Variants in TAFA1 observed in about 807,000 individuals in gnomAD.
The protein encoded by TAFA1 is chemokine-like protein TAFA-1.
In TAFA1, 4 loss-of-function variants were observed where a neutral mutation model predicts 18.5. That is an observed-to-expected ratio of 0.22 (90% confidence interval 0.11 to 0.49). The LOEUF is 0.49. TAFA1 is among the 20% of genes least tolerant of loss of function. TAFA1 has a pLI of 0.98. For missense variants in TAFA1, 147 were observed against 169.0 expected (o/e 0.87, Z 0.72); for synonymous variants, 56 against 55.2 (o/e 1.01, Z -0.06).
intron 2 of TAFA1, among the ~76,000 whole-genome samples, chr3:68,191,929 A>T (rs889327012): frequency 6.6e-6 from 1 of 151,838 alleles, no homozygotes; most frequent in Admixed American, 6.6e-5. Context: ...TCAATGTTGA[A>T]TAAATTATTC....
intron 2 of TAFA1, among the ~76,000 whole-genome samples, chr3:68,262,501 T>G (rs1050561625): frequency 6.6e-6 from 1 of 151,742 alleles, no homozygotes; most frequent in Non-Finnish European, 1.5e-5. Context: ...TGCTCAATGT[T>G]TAGCTCCCAC....
chr3:68,426,882 A>G (rs1179087825), intron 3 of TAFA1, among the ~76,000 whole-genome samples: 1 of 151,928 alleles, frequency 6.6e-6, no homozygotes, highest in Non-Finnish European at 1.5e-5. Flanking sequence ...CATCTAAGAA[A>G]TATTTCAAGA....
chr3:68,458,165 G>T (rs1001887202), intron 3 of TAFA1, among the ~76,000 whole-genome samples: 1 of 152,004 alleles, frequency 6.6e-6, no homozygotes, highest in Admixed American at 6.6e-5. Context: ...CATGAGATCT[G>T]GTTGTTTAAA....
chr3:68,393,708 CA>C (rs1174625491), intron 2 of TAFA1, among the ~76,000 whole-genome samples: 1 of 152,142 alleles, frequency 6.6e-6, no homozygotes, highest in Non-Finnish European at 1.5e-5. Flanking sequence ...GCTGATTCAA[CA>C]TATGCAAATC....
intron 2 of TAFA1, among the ~76,000 whole-genome samples, chr3:68,102,857 G>A (rs2065163910): frequency 6.6e-6 from 1 of 152,194 alleles, no homozygotes; most frequent in Non-Finnish European, 1.5e-5. Context: ...TTATGGTTGT[G>A]CTCCTATGAA....
chr3:68,520,484 C>T (rs1170960724), intron 3 of TAFA1, among the ~76,000 whole-genome samples: 2 of 152,334 alleles, frequency 1.3e-5, no homozygotes, highest in East Asian at 1.9e-4. Flanking sequence ...ATGCTCTCGT[C>T]TTCTTGCAGA....
chr3:68,233,951 A>T (rs746765130), intron 2 of TAFA1, among the ~76,000 whole-genome samples: 2 of 152,202 alleles, frequency 1.3e-5, no homozygotes, highest in Non-Finnish European at 2.9e-5. Flanking sequence ...AATATGAGGA[A>T]GAAGAAAAGA....
intron 2 of TAFA1, among the ~76,000 whole-genome samples, chr3:68,320,477 G>A (rs2106704283): frequency 6.6e-6 from 1 of 152,266 alleles, no homozygotes; most frequent in East Asian, 1.9e-4. Context: ...AGACTCAGGG[G>A]TGTTTTTCCC....
At chr3:68,043,082 A>G (rs574798593) in intron 2 of TAFA1, among the ~76,000 whole-genome samples, 2 of 152,154 alleles carry the variant, frequency 1.3e-5, no homozygotes, top group Admixed American at 1.3e-4. Context: ...ACGGGGTTTC[A>G]CCATGTTAGC....
At position 68,267,603 on chromosome 3, in the gene TAFA1, T is replaced by C. The variant is rs371346289; in HGVS notation, c.119-149677T>C. Among the ~76,000 whole-genome samples the C allele has an allele frequency of 1.2e-3, 182 of 152,310 alleles. 1 individual carries two copies. Among genetic ancestry groups the C allele is most frequent in the African/African-American group, 4.0e-3 (166 of 41,576 alleles). On this transcript the variant is annotated intron_variant, in intron 2 of 4. Coordinates refer to ENST00000478136, the MANE Select transcript of TAFA1 (RefSeq NM_213609.4). ...TTGGAGATTTTCCTTCATGAAAAGATAACTGATTATGTTGATATTTCTCTA... is the reference window on the plus strand; with the variant it reads ...TTGGAGATTTTCCTTCATGAAAAGACAACTGATTATGTTGATATTTCTCTA...
chr3:68,427,685 A>G (rs1385370581), intron 3 of TAFA1, among the ~76,000 whole-genome samples: 1 of 151,890 alleles, frequency 6.6e-6, no homozygotes, highest in African/African-American at 2.4e-5. Context: ...ACAACAAGAT[A>G]TGAATTACCC....
intron 2 of TAFA1, among the ~76,000 whole-genome samples, chr3:68,164,645 G>GTGTGTC (rs1295936879): frequency 6.6e-6 from 1 of 151,832 alleles, no homozygotes; most frequent in African/African-American, 2.4e-5. Context: ...GTGTGTGTGT[G>GTGTGTC]TGTGTGTGTG....
intron 2 of TAFA1, among the ~76,000 whole-genome samples, chr3:68,045,803 G>C: frequency 6.6e-6 from 1 of 152,034 alleles, no homozygotes; most frequent in African/African-American, 2.4e-5. Context: ...CATTCATTTC[G>C]TTATTTTTCA....
intron 4 of TAFA1, among the ~76,000 whole-genome samples, chr3:68,541,678 G>A (rs180737698): frequency 6.6e-6 from 1 of 152,068 alleles, no homozygotes; most frequent in African/African-American, 2.4e-5. Flanking sequence ...TAAAGTTGGG[G>A]AAACACACTC....
chr3:68,231,361 T>A (rs916846866), intron 2 of TAFA1, among the ~76,000 whole-genome samples: 3 of 138,300 alleles, frequency 2.2e-5, no homozygotes, highest in African/African-American at 8.1e-5. Flanking sequence ...TTTTTTTTTT[T>A]TTTTTTTTTT....
At chr3:68,121,780 T>A (rs902888489) in intron 2 of TAFA1, among the ~76,000 whole-genome samples, 1 of 152,132 alleles carries the variant, frequency 6.6e-6, no homozygotes, top group African/African-American at 2.4e-5. Context: ...CAATTGACAA[T>A]GAATTCAAAG....
At chr3:68,391,537 C>T (rs1369720849) in intron 2 of TAFA1, among the ~76,000 whole-genome samples, 1 of 152,140 alleles carries the variant, frequency 6.6e-6, no homozygotes, top group Non-Finnish European at 1.5e-5. Context: ...TCAAGAAGAG[C>T]AACCGTAAGA....
At chr3:68,125,064 G>A (rs758209052) in intron 2 of TAFA1, among the ~76,000 whole-genome samples, 12 of 152,196 alleles carry the variant, frequency 7.9e-5, no homozygotes, top group Non-Finnish European at 1.5e-4. Flanking sequence ...TACTTGGAAG[G>A]TGGAAGAAAT....
the TAFA1 span, among the ~76,000 whole-genome samples, chr3:67,992,352 A>C: frequency 5.4e-4 from 82 of 152,346 alleles, no homozygotes; most frequent in African/African-American, 1.8e-3. Flanking sequence ...ATATACTTAG[A>C]GAGGCAACAC....
Sources: gnomAD v4.1 joint callset for allele counts (sites outside exome capture counted in the v4.1 genomes callset) on GRCh38, gnomAD v4.1.1 for gene constraint, MANE v1.5 for transcripts, NCBI Gene and HGNC (gene_info 2026-07-23, HGNC 2026-07-21) for gene names.